SLC38A1: variants seen among roughly 807,000 people sequenced by gnomAD.
The protein encoded by SLC38A1 is solute carrier family 38 member 1.
SLC38A1 carries 18 observed loss-of-function variants against 60.3 expected under a neutral mutation model. That is an observed-to-expected ratio of 0.30 (90% CI 0.21 to 0.44). SLC38A1 has a LOEUF of 0.44. SLC38A1 is among the 20% of genes least tolerant of loss of function. The pLI, the probability that SLC38A1 is intolerant of heterozygous loss-of-function variation, is 1.00. For missense variants in SLC38A1, 448 were observed against 587.2 expected, an observed-to-expected ratio of 0.76 and a Z score of 2.45; for synonymous variants, 196 against 212.1, an observed-to-expected ratio of 0.92 and a Z score of 0.66.
rs1414430499 is a variant in SLC38A1, at chr12:46,188,999, A to G, written c.1435T>C (p.Cys479Arg). The part of the protein sequence containing the change: ...SIPLVIYDWA[C>R]SSSSDEGH ...TGGCCTTCGTCACTACTCGATGAGC[A>G]GGCCCAGTCATAGATGACCAAGGGA... is the stretch of plus-strand genomic sequence containing the variant. The change falls in exon 17 of 17, where the codon TGC becomes CGC. Residue 479 changes from cysteine to arginine, a missense_variant. Cys to Arg is a radical substitution (Grantham distance 180). Around this residue, in one of 2 missense-constraint regions of SLC38A1, gnomAD observed 346 missense variants for 497.5 expected, o/e 0.70. Coordinates refer to ENST00000398637, the MANE Select transcript of SLC38A1 (RefSeq NM_030674.4). The G allele has an allele frequency of 1.2e-6, 2 of 1,613,628 alleles. No individual in the cohort carries two copies. Among genetic ancestry groups the G allele is most frequent in the Admixed American group, 1.7e-5 (1 of 59,984 alleles).
At chr12:46,264,852 T>C (rs1277382717) in intron 1 of SLC38A1, among the ~76,000 whole-genome samples, 1 of 152,208 alleles carries the variant, frequency 6.6e-6, no homozygotes, top group East Asian at 1.9e-4. Flanking sequence ...TCGAAGTCTG[T>C]CACACATTCT....
intron 5 of SLC38A1, among the ~76,000 whole-genome samples, chr12:46,221,652 G>A (rs1320852292): frequency 6.6e-6 from 1 of 152,160 alleles, no homozygotes; most frequent in Non-Finnish European, 1.5e-5. Context: ...CTTTGCTGAG[G>A]AGCAGCTACG....
At position 46,190,222 on chromosome 12, in the gene SLC38A1, A is replaced by G. The variant is rs1393505773; in HGVS notation, c.1363-1151T>C. Among the ~76,000 whole-genome samples, 8 of 152,174 alleles carry G rather than the reference A, an allele frequency of 5.3e-5. No homozygotes were observed. The East Asian group carries it at 1.5e-3, about 29-fold the overall frequency. On this transcript the variant is annotated intron_variant, in intron 16 of 16. Transcript: ENST00000398637. ...TTGTCCTTGTGATAGTTTGCTTAAA[A>G]TGATGGTTTCTAGCTTCATCCATGT...
chr12:46,215,914 T>C (rs1202241582), intron 5 of SLC38A1, among the ~76,000 whole-genome samples: 1 of 152,206 alleles, frequency 6.6e-6, no homozygotes, highest in Non-Finnish European at 1.5e-5. Flanking sequence ...TGTCTCCTAA[T>C]AACCCACAGC....
At chr12:46,204,182 A>G (rs1939786938) in intron 11 of SLC38A1, 119 bp downstream of exon 11, 1 of 713,034 alleles carries the variant, frequency 1.4e-6, no homozygotes, top group Non-Finnish European at 2.5e-6. Flanking sequence ...TCTGGAAGCA[A>G]TGGTATCATG....
intron 16 of SLC38A1, among the ~76,000 whole-genome samples, chr12:46,193,173 C>T (rs1939218134): frequency 6.6e-6 from 1 of 152,052 alleles, no homozygotes; most frequent in Admixed American, 6.6e-5. Flanking sequence ...TTATTTGTGC[C>T]TTCATTTTGT....
At chr12:46,221,852 C>G (rs1448251748) in intron 5 of SLC38A1, among the ~76,000 whole-genome samples, 1 of 152,126 alleles carries the variant, frequency 6.6e-6, no homozygotes, top group Non-Finnish European at 1.5e-5. Flanking sequence ...GAGAGACCTC[C>G]CTTCCACCTG....
Position 46,183,572 on chromosome 12 carries a change from ACATTCTTCT to A in SLC38A1, c.*5389_*5397del, listed in dbSNP as rs1938839629. 1 of 152,216 alleles carries A rather than the reference ACATTCTTCT, an allele frequency of 6.6e-6. No individual in the cohort carries two copies. The highest frequency in any genetic ancestry group is 2.1e-4 in the South Asian group (1 of 4,832). The allele number at this position is 152,216 out of a possible 1,614,324, so 9.4% of individuals were successfully genotyped here. A position where few individuals can be genotyped will look rare whatever the true frequency, so the allele number is the denominator to read the frequency against. ...ATGCAGCAATTCAATTGTGAAAAAA[ACATTCTTCT>A]CCCCAGCTTCTGTTTTCATATGTAC... is the stretch of plus-strand genomic sequence containing the variant. On this transcript the variant is annotated 3_prime_UTR_variant, in exon 17 of 17. Transcript: ENST00000398637.
At chr12:46,206,403 A>T (rs1431966937) in intron 8 of SLC38A1, among the ~76,000 whole-genome samples, 5 of 151,980 alleles carry the variant, frequency 3.3e-5, no homozygotes, top group Non-Finnish European at 5.9e-5. Context: ...CCATTGGCTA[A>T]ATGTGGCATT....
intron 16 of SLC38A1, among the ~76,000 whole-genome samples, chr12:46,193,354 T>C (rs1939225405): frequency 6.6e-6 from 1 of 152,198 alleles, no homozygotes; most frequent in Non-Finnish European, 1.5e-5. Context: ...CTACCAATTA[T>C]GTGGCCAATT....
At chr12:46,265,973 G>T (rs944272850) in intron 1 of SLC38A1, among the ~76,000 whole-genome samples, 2 of 152,172 alleles carry the variant, frequency 1.3e-5, no homozygotes, top group African/African-American at 2.4e-5. Context: ...CAAGTGTGAG[G>T]GGTATTTTCA....
chr12:46,221,961 G>A (rs1205189720), intron 5 of SLC38A1, among the ~76,000 whole-genome samples: 1 of 152,150 alleles, frequency 6.6e-6, no homozygotes, highest in African/African-American at 2.4e-5. Context: ...GGTACGGGTG[G>A]GCTCTGGAAA....
intron 5 of SLC38A1, among the ~76,000 whole-genome samples, chr12:46,215,977 G>T (rs1940393854): frequency 6.6e-6 from 1 of 152,110 alleles, no homozygotes; most frequent in Non-Finnish European, 1.5e-5. Context: ...GTATTTACAA[G>T]AAAAATTTAA....
At chr12:46,204,926 G>A (rs774504569) in intron 9 of SLC38A1, among the ~76,000 whole-genome samples, 11 of 152,206 alleles carry the variant, frequency 7.2e-5, no homozygotes, top group Non-Finnish European at 1.0e-4. Flanking sequence ...CTGTAAGTCT[G>A]TGTTGGTGGA....
intron 12 of SLC38A1, among the ~76,000 whole-genome samples, chr12:46,201,751 G>C (rs977854154): frequency 1.2e-4 from 18 of 151,772 alleles, no homozygotes; most frequent in African/African-American, 4.4e-4. Context: ...AGTTCACTCT[G>C]GGGTTGGGAT....
At chr12:46,221,412 G>T (rs1195128999) in intron 5 of SLC38A1, among the ~76,000 whole-genome samples, 1 of 152,090 alleles carries the variant, frequency 6.6e-6, no homozygotes, top group Non-Finnish European at 1.5e-5. Flanking sequence ...AATGAAGGAG[G>T]CATTCCTAGG....
chr12:46,236,954 G>A (rs1489676254), intron 3 of SLC38A1, among the ~76,000 whole-genome samples: 1 of 152,200 alleles, frequency 6.6e-6, no homozygotes, highest in African/African-American at 2.4e-5. Context: ...TCCAGGTATA[G>A]GTTTCTATGA....
chr12:46,198,901 A>G lies in SLC38A1; in HGVS notation c.1004-158T>C, dbSNP rs144999979. On this transcript the variant is annotated intron_variant, in intron 13 of 16. Transcript: ENST00000398637. Reference sequence around the variant, plus strand: ...AATCAGGTTGGAAAGAAAAATCTCTATGTAAGACATGCTCCACTGTGCATA... The same window carrying G: ...AATCAGGTTGGAAAGAAAAATCTCTGTGTAAGACATGCTCCACTGTGCATA... 3.0e-3 allele frequency among the ~76,000 whole-genome samples: 463 copies of G among 152,346 alleles called. 3 individuals carry two copies. The highest frequency in any genetic ancestry group is 0.01 in the African/African-American group (435 of 41,586).
At chr12:46,262,791 T>C (rs539458971) in intron 1 of SLC38A1, among the ~76,000 whole-genome samples, 13 of 152,312 alleles carry the variant, frequency 8.5e-5, no homozygotes, top group Middle Eastern at 3.4e-3. Flanking sequence ...TAGACTTTTA[T>C]TTGAAAAGAG....
Sources: gnomAD v4.1 joint callset for allele counts (sites outside exome capture counted in the v4.1 genomes callset) on GRCh38, gnomAD v4.1.1 for gene constraint, gnomAD v4.1.1 regional missense constraint, MANE v1.5 for transcripts, NCBI Gene and HGNC (gene_info 2026-07-23, HGNC 2026-07-21) for gene names.